The following PAK4 variants were observed in gnomAD, a reference collection of about 807,000 sequenced individuals.
The protein encoded by PAK4 is p21 (RAC1) activated kinase 4, also known as serine/threonine-protein kinase PAK 4.
In PAK4, 49 loss-of-function variants were observed where a neutral mutation model predicts 53.5. The observed-to-expected ratio is 0.92, with a 90% CI of 0.73 to 1.16. The LOEUF (loss-of-function observed/expected upper bound fraction) is 1.16, where lower values mean the gene tolerates loss of function less well. Ranked by LOEUF, PAK4 falls within the 50% of genes most tolerant of loss-of-function variation. The pLI, the probability that PAK4 is intolerant of heterozygous loss-of-function variation, is 0.00. For missense variants in PAK4, 824 were observed against 850.7 expected, an observed-to-expected ratio of 0.97 and a Z score of 0.39; for synonymous variants, 376 against 375.6, an observed-to-expected ratio of 1.00 and a Z score of -0.01.
chr19:39,174,032 CGCCCTGCT>C, intron 4 of PAK4, 22 bp downstream of exon 5: 3 of 1,496,252 alleles, frequency 2.0e-6, no homozygotes, highest in Non-Finnish European at 2.7e-6. Context: ...GCTGCCCTGC[CGCCCTGCT>C]GGTCCTCCCA....
chr19:39,157,321 C>T (rs1411340253), intron 1 of PAK4, among the ~76,000 whole-genome samples: 2 of 152,082 alleles, frequency 1.3e-5, no homozygotes, highest in Non-Finnish European at 2.9e-5. Flanking sequence ...CATGGAGTGT[C>T]TGCGGCATTG....
chr19:39,152,415 T>G (rs1253176837), intron 1 of PAK4: 1 of 152,182 alleles, frequency 6.6e-6, no homozygotes, highest in Non-Finnish European at 1.5e-5. Context: ...TCACTTAACA[T>G]TGTCCCCAAA....
intron 6 of PAK4, chr19:39,176,347 A>C: frequency 5.4e-6 from 3 of 555,226 alleles, no homozygotes; most frequent in Non-Finnish European, 9.8e-6. Flanking sequence ...CAAAAGCCCC[A>C]GAGGCTGTCA....
At chr19:39,177,855 G>A (rs1351066563) in intron 8 of PAK4, 46 bp downstream of exon 9, 7 of 1,578,148 alleles carry the variant, frequency 4.4e-6, no homozygotes, top group African/African-American at 2.7e-5. Context: ...CTGGCGGGTG[G>A]CAGGGCTCCA....
At chr19:39,138,501 C>T (rs905287821) in intron 1 of PAK4, among the ~76,000 whole-genome samples, 1 of 152,228 alleles carries the variant, frequency 6.6e-6, no homozygotes, top group Non-Finnish European at 1.5e-5. Context: ...TATGTCTTCT[C>T]GTTCATACTT....
rs774829221 is a variant in PAK4 at position 39,169,722 on chromosome 19, G to A, written c.169G>A (p.Ala57Thr). 5.6e-6 allele frequency: 9 copies of A among 1,609,450 alleles called. No individual in the cohort carries two copies. The East Asian group carries it at 8.9e-5, about 16-fold the overall frequency. Residue 57 changes from alanine to threonine, a missense_variant, in exon 2 of 9, where the codon GCC becomes ACC. Transcript: ENST00000358301. The stretch of plus-strand genomic sequence containing the variant: ...CCGGCCCAAGCCCCTCGTCGACCCC[G>A]CCTGCATCACCTCCATCCAGCCCGG...
At chr19:39,159,334 G>A (rs1232295728) in intron 1 of PAK4, among the ~76,000 whole-genome samples, 2 of 152,296 alleles carry the variant, frequency 1.3e-5, no homozygotes, top group East Asian at 1.9e-4. Context: ...AGGACTATAA[G>A]GACAAAGGTA....
intron 1 of PAK4, among the ~76,000 whole-genome samples, chr19:39,130,563 C>T (rs781165697): frequency 6.6e-5 from 10 of 151,960 alleles, no homozygotes; most frequent in Non-Finnish European, 8.8e-5. Flanking sequence ...TCGGAATGGT[C>T]GAGGATCATC....
intron 1 of PAK4, among the ~76,000 whole-genome samples, chr19:39,146,050 C>T (rs772299606): frequency 1.3e-5 from 2 of 152,238 alleles, no homozygotes; most frequent in Non-Finnish European, 2.9e-5. Context: ...TTCGTAGAAG[C>T]TAGTGTGTGG....
At chr19:39,176,685 G>T (rs1313927637) in exon 7 of PAK4, 4 of 1,611,978 alleles carry the variant, frequency 2.5e-6, no homozygotes, top group Non-Finnish European at 3.4e-6. Context: ...TGGCCCCAGA[G>T]CTCATCTCCC....
chr19:39,130,253 G>T (rs553683056), intron 1 of PAK4, among the ~76,000 whole-genome samples: 2 of 149,968 alleles, frequency 1.3e-5, no homozygotes, highest in Admixed American at 1.3e-4. Context: ...CAGGCAGAGT[G>T]GTCAGAGAAG....
chr19:39,178,466 C>T lies in PAK4; in HGVS notation c.1663C>T (p.Arg555Ter), dbSNP rs56084716. The change falls in exon 9 of 9, where the codon CGA (arginine) becomes TGA (stop). Residue 555 changes from arginine to a stop codon, truncating the protein, a stop_gained. Coordinates refer to ENST00000358301, the Ensembl canonical transcript of PAK4. LOFTEE classifies it high-confidence loss of function. This position sits in a 1 kb window ranked among gnomAD's most constrained non-coding sequence, Gnocchi z 4.4. ...GGGCTTCCTGGACCGCCTGCTGGTGCGAGACCCTGCCCAGCGGGCCACGGC... is the reference window on the plus strand; with the variant it reads ...GGGCTTCCTGGACCGCCTGCTGGTGTGAGACCCTGCCCAGCGGGCCACGGC... 5.0e-6 allele frequency: 8 copies of T among 1,604,264 alleles called. No individual in the cohort carries two copies. Among genetic ancestry groups the T allele is most frequent in the Admixed American group, 1.7e-5 (1 of 58,990 alleles).
intron 1 of PAK4, among the ~76,000 whole-genome samples, chr19:39,129,438 G>A (rs2073658474): frequency 6.6e-6 from 1 of 152,238 alleles, no homozygotes; most frequent in Non-Finnish European, 1.5e-5. Context: ...TCTGGCATAT[G>A]CCTAGTAGTG....
At chr19:39,174,322 C>T (rs995246266) in intron 4 of PAK4, among the ~76,000 whole-genome samples, 3 of 151,818 alleles carry the variant, frequency 2.0e-5, no homozygotes, top group East Asian at 1.9e-4. Flanking sequence ...GTACAGTGTC[C>T]TCCAGACCTG....
exon 5 of PAK4, chr19:39,174,986 A>C (rs142488595): frequency 9.9e-5 from 159 of 1,613,716 alleles, no homozygotes; most frequent in Non-Finnish European, 1.3e-4. Flanking sequence ...TACAACAGCT[A>C]CCTGGTGGGG....
intron 1 of PAK4, among the ~76,000 whole-genome samples, chr19:39,167,683 A>G (rs1464982934): frequency 6.7e-6 from 1 of 148,918 alleles, no homozygotes; most frequent in Non-Finnish European, 1.5e-5. Context: ...CCGGGCCCCC[A>G]CCCCCCTCCC....
chr19:39,167,219 G>T (rs2074391494), intron 1 of PAK4, among the ~76,000 whole-genome samples: 1 of 152,232 alleles, frequency 6.6e-6, no homozygotes, highest in Non-Finnish European at 1.5e-5. Context: ...GCCCCGCAGT[G>T]GGGAGGGAGC....
intron 2 of PAK4, 54 bp downstream of exon 3, chr19:39,169,811 C>A: frequency 7.4e-7 from 1 of 1,346,934 alleles, no homozygotes; most frequent in Non-Finnish European, 1.0e-6. Flanking sequence ...CCGAGTGGCC[C>A]TGGCCCTCAA....
intron 1 of PAK4, among the ~76,000 whole-genome samples, chr19:39,152,872 G>A (rs895460116): frequency 2.6e-5 from 4 of 151,984 alleles, no homozygotes; most frequent in South Asian, 2.1e-4. Context: ...TCAGGATCAC[G>A]GGTTCTGCAC....
Sources: gnomAD v4.1 joint callset for allele counts (sites outside exome capture counted in the v4.1 genomes callset) on GRCh38, gnomAD v4.1.1 for gene constraint, Gnocchi (gnomAD v3.1) non-coding constraint, MANE v1.5 for transcripts, NCBI Gene and HGNC (gene_info 2026-07-23, HGNC 2026-07-21) for gene names.